USP15: variants seen among roughly 807,000 people sequenced by gnomAD.
The protein encoded by USP15 is ubiquitin specific peptidase 15, also known as ubiquitin carboxyl-terminal hydrolase 15.
USP15 carries 18 observed loss-of-function variants against 127.1 expected under a neutral mutation model. The observed-to-expected ratio is 0.14, with a 90% confidence interval of 0.10 to 0.21. The LOEUF (loss-of-function observed/expected upper bound fraction) is 0.21. USP15 is among the 10% of genes least tolerant of loss of function. The pLI is 1.00. For missense variants in USP15, 805 were observed against 1,159.9 expected (o/e 0.69, Z 4.44); for synonymous variants, 364 against 393.7 (o/e 0.92, Z 0.89).
At chr12:62,348,422 T>G (rs2065880188) in intron 6 of USP15, among the ~76,000 whole-genome samples, 1 of 152,198 alleles carries the variant, frequency 6.6e-6, no homozygotes, top group Non-Finnish European at 1.5e-5. Context: ...ATTCGGGGCC[T>G]CACTGATTTA....
intron 1 of USP15, chr12:62,274,271 G>A (rs1451696672): frequency 2.6e-5 from 4 of 152,024 alleles, no homozygotes; most frequent in African/African-American, 9.7e-5. Context: ...CTGGCAGGAG[G>A]ATCACTTGAG....
chr12:62,374,128 A>G (rs1429324894), intron 8 of USP15, among the ~76,000 whole-genome samples: 2 of 151,682 alleles, frequency 1.3e-5, no homozygotes, highest in Non-Finnish European at 2.9e-5. Flanking sequence ...TAAAATCCAG[A>G]AAAAAACTGT....
At chr12:62,294,985 A>G (rs2137158115) in intron 2 of USP15, among the ~76,000 whole-genome samples, 1 of 152,296 alleles carries the variant, frequency 6.6e-6, no homozygotes, top group East Asian at 1.9e-4. Flanking sequence ...AGAGATTTCC[A>G]AGACACAACA....
intron 3 of USP15, among the ~76,000 whole-genome samples, chr12:62,305,180 A>C (rs183537974): frequency 6.6e-6 from 1 of 152,108 alleles, no homozygotes; most frequent in South Asian, 2.1e-4. Flanking sequence ...AATTTTCCCA[A>C]ACTGAGAAAG....
intron 6 of USP15, among the ~76,000 whole-genome samples, chr12:62,329,041 A>G (rs2065208789): frequency 6.6e-6 from 1 of 152,172 alleles, no homozygotes. Flanking sequence ...AGACCTAAAT[A>G]AGAAATATAA....
chr12:62,310,443 A>C (rs767687275), intron 3 of USP15, among the ~76,000 whole-genome samples: 1 of 151,784 alleles, frequency 6.6e-6, no homozygotes, highest in East Asian at 1.9e-4. Flanking sequence ...TCATGTGATC[A>C]AATTTTTTAG....
intron 3 of USP15, chr12:62,313,973 G>T: frequency 1.3e-6 from 1 of 788,136 alleles, no homozygotes; most frequent in Non-Finnish European, 1.5e-6. Flanking sequence ...TCACATATCA[G>T]GCCTATTACT....
chr12:62,278,892 C>A (rs1364390644), intron 1 of USP15, among the ~76,000 whole-genome samples: 1 of 152,056 alleles, frequency 6.6e-6, no homozygotes, highest in African/African-American at 2.4e-5. Context: ...ACAGAATCAT[C>A]GTATGGATAT....
intron 6 of USP15, chr12:62,334,233 A>G (rs2065389860): frequency 6.6e-6 from 1 of 152,206 alleles, no homozygotes; most frequent in Non-Finnish European, 1.5e-5. Flanking sequence ...TTCTGATATT[A>G]GGTACATGAG....
rs928921892 is a variant in USP15, at chr12:62,303,112, T to C, written c.348+192T>C. The C allele has an allele frequency of 9.6e-6, 5 of 520,732 alleles. No homozygotes were observed. In the African/African-American group the frequency reaches 9.6e-5, roughly 10 times the overall value. The allele number at this position is 520,732 out of a possible 1,614,324, so 32.3% of individuals were successfully genotyped here. ...TACTTATGCTAGCCACTATTGTAAG[T>C]ATGTATTATTGATTAATCCTCTATA... On this transcript the variant is annotated intron_variant, in intron 3 of 21. Coordinates refer to ENST00000280377, the MANE Select transcript of USP15 (RefSeq NM_001252078.2).
chr12:62,355,712 C>T (rs561343333), intron 8 of USP15, among the ~76,000 whole-genome samples: 1 of 148,368 alleles, frequency 6.7e-6, no homozygotes, highest in East Asian at 2.0e-4. Flanking sequence ...TATCACTTTG[C>T]AAAAATATAA....
intron 6 of USP15, among the ~76,000 whole-genome samples, chr12:62,337,463 C>CT (rs2065505320): frequency 6.6e-6 from 1 of 151,922 alleles, no homozygotes; most frequent in Non-Finnish European, 1.5e-5. Context: ...TGTTTTTTGT[C>CT]TTTTTTAAAT....
Position 62,282,132 on chromosome 12 carries a change from A to G in USP15, c.90-12047A>G, listed in dbSNP as rs115392782. The stretch of plus-strand genomic sequence containing the variant: ...ACCTTGAGCCCAGGAGCTTGAAACC[A>G]TCCTGGGCAACGTAGTGATATCTCA... On this transcript the variant is annotated intron_variant, in intron 1 of 21. Coordinates refer to ENST00000280377, the MANE Select transcript of USP15 (RefSeq NM_001252078.2). Among the ~76,000 whole-genome samples the G allele has an allele frequency of 1.5e-3, 225 of 152,270 alleles. 1 individual carries two copies. Among genetic ancestry groups the G allele is most frequent in the African/African-American group, 5.2e-3 (218 of 41,544 alleles).
rs185810455 is a variant in USP15, at chr12:62,413,656, G to A, written c.*9281G>A. On this transcript the variant is annotated 3_prime_UTR_variant, in exon 22 of 22. Transcript: ENST00000280377. Reference sequence around the variant, plus strand: ...CTTAGCCTCCATAGAATTGAAGAGAGAGGGCCTTGCTCTGCGTTAGGCTTT... The same window carrying A: ...CTTAGCCTCCATAGAATTGAAGAGAAAGGGCCTTGCTCTGCGTTAGGCTTT... The A allele has an allele frequency of 6.6e-6, 1 of 152,202 alleles. No individual in the cohort carries two copies. Among genetic ancestry groups the A allele is most frequent in the East Asian group, 1.9e-4 (1 of 5,174 alleles). The allele number at this position is 152,202 out of a possible 1,614,324, so 9.4% of individuals were successfully genotyped here.
intron 1 of USP15, among the ~76,000 whole-genome samples, chr12:62,264,932 A>G (rs371228894): frequency 1.2e-4 from 19 of 152,196 alleles, no homozygotes; most frequent in African/African-American, 4.3e-4. Flanking sequence ...ACTAAAAGGA[A>G]AAACTTCTTC....
intron 8 of USP15, 78 bp downstream of exon 8, chr12:62,355,553 G>T: frequency 6.9e-7 from 1 of 1,438,984 alleles, no homozygotes; most frequent in Non-Finnish European, 9.3e-7. Flanking sequence ...GGTTTTTCAT[G>T]CCAGAACATG....
At chr12:62,341,223 T>C (rs1168229947) in intron 6 of USP15, among the ~76,000 whole-genome samples, 2 of 152,164 alleles carry the variant, frequency 1.3e-5, no homozygotes, top group Non-Finnish European at 2.9e-5. Context: ...TCCTTTCCAT[T>C]TGCTTGGTAA....
intron 11 of USP15, among the ~76,000 whole-genome samples, chr12:62,385,869 T>C (rs1016293989): frequency 2.0e-5 from 3 of 152,058 alleles, no homozygotes; most frequent in African/African-American, 7.2e-5. Flanking sequence ...ATAAATTTAC[T>C]GCAACAAAAA....
At chr12:62,362,945 G>T (rs1437829834) in intron 8 of USP15, among the ~76,000 whole-genome samples, 2 of 152,106 alleles carry the variant, frequency 1.3e-5, no homozygotes, top group Non-Finnish European at 1.5e-5. Flanking sequence ...AAGTTAGAAG[G>T]ACCAAAAACA....
Sources: gnomAD v4.1 joint callset for allele counts (sites outside exome capture counted in the v4.1 genomes callset) on GRCh38, gnomAD v4.1.1 for gene constraint, MANE v1.5 for transcripts, NCBI Gene and HGNC (gene_info 2026-07-23, HGNC 2026-07-21) for gene names.